RPS6KC1: variants seen among roughly 807,000 people sequenced by gnomAD.
The protein encoded by RPS6KC1 is inactive ribosomal protein S6 kinase delta-1.
In RPS6KC1, 54 loss-of-function variants were observed where a neutral mutation model predicts 103.8. The observed-to-expected ratio is 0.52, with a 90% CI of 0.42 to 0.65. The LOEUF (loss-of-function observed/expected upper bound fraction) is 0.65. Ranked by LOEUF, RPS6KC1 falls within the 30% of genes least tolerant of loss-of-function variation. The probability of loss-of-function intolerance (pLI) is 0.00; values close to 1 mark genes in which losing one functional copy is unlikely to be tolerated. For synonymous variants in RPS6KC1, 439 were observed against 438.7 expected (o/e 1.00, Z -0.01); for missense variants, 1,151 against 1,253.8 (o/e 0.92, Z 1.24).
chr1:213,199,517 A>G lies in RPS6KC1; in HGVS notation c.1044+23025A>G, dbSNP rs116181110. ...TACCTCAAAATAATACGAGCCATCC[A>G]TGACAAACTCACAGCCAACCTCGTC... On this transcript the variant is annotated intron_variant, in intron 8 of 14. Transcript: ENST00000366960. Among the ~76,000 whole-genome samples, 748 of 152,334 alleles carry G rather than the reference A, an allele frequency of 4.9e-3. 5 individuals are homozygous for G. Among genetic ancestry groups the G allele is most frequent in the African/African-American group, 0.015 (613 of 41,578 alleles).
At chr1:213,674,179 T>A in the RPS6KC1 span, among the ~76,000 whole-genome samples, 1 of 152,166 alleles carries the variant, frequency 6.6e-6, no homozygotes, top group Admixed American at 6.5e-5. Context: ...CCACCACGCC[T>A]GGCTACTTTT....
chr1:213,325,714 A>G, the RPS6KC1 span, among the ~76,000 whole-genome samples: 1 of 152,148 alleles, frequency 6.6e-6, no homozygotes, highest in Non-Finnish European at 1.5e-5. Context: ...TCCCCTCCCT[A>G]TTGGAAGTTC....
the RPS6KC1 span, among the ~76,000 whole-genome samples, chr1:213,674,929 A>G: frequency 6.6e-6 from 1 of 152,082 alleles, no homozygotes; most frequent in Non-Finnish European, 1.5e-5. Flanking sequence ...AGCCACTTGT[A>G]TGTCTTCTTT....
At chr1:213,709,138 T>G in the RPS6KC1 span, among the ~76,000 whole-genome samples, 2 of 152,184 alleles carry the variant, frequency 1.3e-5, no homozygotes, top group Admixed American at 6.5e-5. Context: ...CCAGCTCCTC[T>G]TTGTACCTCT....
intron 7 of RPS6KC1, among the ~76,000 whole-genome samples, chr1:213,169,843 G>T (rs978107393): frequency 1.3e-5 from 2 of 148,650 alleles, no homozygotes; most frequent in Non-Finnish European, 3.0e-5. Context: ...GTGCAGTGGC[G>T]CGATCTCAGC....
downstream of RPS6KC1, among the ~76,000 whole-genome samples, chr1:213,275,978 A>G (rs1468356780): frequency 1.3e-5 from 2 of 152,210 alleles, no homozygotes; most frequent in Non-Finnish European, 2.9e-5. Flanking sequence ...AACAGCTGCA[A>G]TACCTATTGT....
chr1:213,445,563 C>A, the RPS6KC1 span, among the ~76,000 whole-genome samples: 86 of 152,222 alleles, frequency 5.6e-4, no homozygotes, highest in African/African-American at 2.0e-3. Flanking sequence ...GAGGGAAGGG[C>A]AGGGGACTTA....
rs989766821 is a variant in RPS6KC1 at position 213,176,333 on chromosome 1, C to T, written c.952-67C>T. The T allele has an allele frequency of 4.6e-5, 47 of 1,030,632 alleles. No homozygotes were observed. In the Admixed American group the frequency reaches 8.5e-4, roughly 19 times the overall value. The allele number at this position is 1,030,632 out of a possible 1,614,324, so 63.8% of individuals were successfully genotyped here. ...TTACTTTCCTTTGGCCTGGCATTTG[C>T]TTCAGCAGGCAGCCTTCCTTCAAGT... On this transcript the variant is annotated intron_variant, in intron 7 of 14. Coordinates refer to ENST00000366960, the MANE Select transcript of RPS6KC1 (RefSeq NM_012424.6).
chr1:213,545,432 A>AAAT, the RPS6KC1 span, among the ~76,000 whole-genome samples: 88 of 56,938 alleles, frequency 1.5e-3, no homozygotes, highest in South Asian at 0.019. Flanking sequence ...AAATAAAATA[A>AAAT]AAGAGAGAGA....
the RPS6KC1 span, among the ~76,000 whole-genome samples, chr1:213,518,468 A>T: frequency 6.6e-6 from 1 of 152,216 alleles, no homozygotes; most frequent in South Asian, 2.1e-4. Context: ...CAGAAGCTGG[A>T]AGAAGCAAGG....
chr1:213,233,378 G>A (rs1396898323), intron 10 of RPS6KC1, among the ~76,000 whole-genome samples: 1 of 152,120 alleles, frequency 6.6e-6, no homozygotes, highest in Non-Finnish European at 1.5e-5. Flanking sequence ...AGACATTATT[G>A]AATTAGAGGT....
chr1:213,233,005 A>G (rs913049797), intron 10 of RPS6KC1, among the ~76,000 whole-genome samples: 2 of 152,276 alleles, frequency 1.3e-5, no homozygotes, highest in Admixed American at 6.5e-5. Context: ...TGTTTTCCGT[A>G]TCTCGTGAAG....
At chr1:213,420,744 G>A in the RPS6KC1 span, among the ~76,000 whole-genome samples, 4 of 152,110 alleles carry the variant, frequency 2.6e-5, no homozygotes, top group African/African-American at 7.2e-5. Flanking sequence ...TTGGGATGCC[G>A]AGACAAAGTA....
the RPS6KC1 span, among the ~76,000 whole-genome samples, chr1:213,677,525 G>C: frequency 2.0e-5 from 3 of 152,078 alleles, no homozygotes; most frequent in Non-Finnish European, 4.4e-5. Flanking sequence ...CCAGACCCCA[G>C]GCATCAGTAG....
At chr1:213,441,959 A>C in the RPS6KC1 span, among the ~76,000 whole-genome samples, 4 of 152,200 alleles carry the variant, frequency 2.6e-5, no homozygotes, top group Non-Finnish European at 5.9e-5. Context: ...TGTACCCATA[A>C]ATTTATACAG....
At chr1:213,510,686 C>A in the RPS6KC1 span, among the ~76,000 whole-genome samples, 1 of 152,156 alleles carries the variant, frequency 6.6e-6, no homozygotes, top group Non-Finnish European at 1.5e-5. Context: ...TCTAGGAAAC[C>A]ATTTCACTGT....
chr1:213,744,089 G>A, the RPS6KC1 span, among the ~76,000 whole-genome samples: 2 of 152,080 alleles, frequency 1.3e-5, no homozygotes, highest in African/African-American at 4.8e-5. Flanking sequence ...AAGGACACAA[G>A]GGCATAAGAA....
rs2084448680 is a variant in RPS6KC1, at chr1:213,122,042, T to C, written c.472+4632T>C. On this transcript the variant is annotated intron_variant, in intron 5 of 14. Coordinates refer to ENST00000366960, the MANE Select transcript of RPS6KC1 (RefSeq NM_012424.6). ...ATTAACTATTTTAAAGTAAATGAAA[T>C]GTGCATTTTGAGGATAGCATCTATT... 3.3e-5 allele frequency among the ~76,000 whole-genome samples: 5 copies of C among 152,178 alleles called. No homozygotes were observed. The South Asian group carries it at 8.3e-4, about 25-fold the overall frequency.
At chr1:213,151,303 G>C (rs2088829176) in intron 6 of RPS6KC1, among the ~76,000 whole-genome samples, 1 of 117,562 alleles carries the variant, frequency 8.5e-6, no homozygotes, top group African/African-American at 3.4e-5. Flanking sequence ...CCGGGCAGAG[G>C]CGCCCCTCAC....
Sources: allele counts gnomAD v4.1 joint callset (sites outside exome capture counted in the v4.1 genomes callset), GRCh38; gene constraint gnomAD v4.1.1; transcripts MANE v1.5; gene names NCBI Gene and HGNC (gene_info 2026-07-23, HGNC 2026-07-21).